ZFAND3: variants seen among roughly 807,000 people sequenced by gnomAD.
The protein encoded by ZFAND3 is AN1-type zinc finger protein 3.
Under a neutral mutation model 29.6 loss-of-function variants are expected in ZFAND3, and 10 were observed. The observed-to-expected ratio is 0.34, with a 90% CI of 0.21 to 0.57. The LOEUF is 0.57. Ranked by LOEUF, ZFAND3 falls within the 20% of genes least tolerant of loss-of-function variation. The pLI is 0.86. For synonymous variants in ZFAND3, 128 were observed against 112.6 expected (o/e 1.14, Z -0.87); for missense variants, 230 against 304.5 (o/e 0.76, Z 1.82).
chr6:37,844,826 A>G (rs1438081181), intron 1 of ZFAND3, among the ~76,000 whole-genome samples: 1 of 151,310 alleles, frequency 6.6e-6, no homozygotes, highest in African/African-American at 2.4e-5. Flanking sequence ...CAGCCTGGCT[A>G]ACACGGTGAA....
chr6:37,931,404 A>G (rs575048311), intron 2 of ZFAND3, among the ~76,000 whole-genome samples: 2 of 152,048 alleles, frequency 1.3e-5, no homozygotes, highest in South Asian at 4.2e-4. Context: ...AATTAGCTGG[A>G]TGTGGTGGTG....
At chr6:37,927,560 G>A (rs531109658) in intron 1 of ZFAND3, among the ~76,000 whole-genome samples, 2 of 152,334 alleles carry the variant, frequency 1.3e-5, no homozygotes, top group East Asian at 3.9e-4. Context: ...GGATGGAGAG[G>A]CGCCTCTAGT....
At chr6:37,930,041 C>CT (rs771195606) in intron 2 of ZFAND3, 42 bp downstream of exon 2, 14 of 1,471,146 alleles carry the variant, frequency 9.5e-6, no homozygotes, top group South Asian at 5.5e-5. Context: ...TTTCATTTTT[C>CT]TTTCTTTTTT....
chr6:37,960,471 T>G (rs1437120144), intron 2 of ZFAND3, among the ~76,000 whole-genome samples: 1 of 152,200 alleles, frequency 6.6e-6, no homozygotes, highest in Non-Finnish European at 1.5e-5. Flanking sequence ...ATCAGTGATG[T>G]TTGCCTGAGC....
intron 1 of ZFAND3, among the ~76,000 whole-genome samples, chr6:37,901,027 A>AT (rs34669696): frequency 4.0e-5 from 6 of 151,444 alleles, no homozygotes; most frequent in African/African-American, 9.7e-5. Context: ...TGCCTACTGA[A>AT]TTTTTTTTTA....
chr6:38,125,985 G>A (rs1335320647), intron 5 of ZFAND3, among the ~76,000 whole-genome samples: 2 of 152,112 alleles, frequency 1.3e-5, no homozygotes, highest in East Asian at 1.9e-4. Context: ...GAAGTTGAAT[G>A]AGTTTTAGTA....
chr6:37,965,105 TA>T (rs1323075688), intron 2 of ZFAND3, among the ~76,000 whole-genome samples: 6 of 152,198 alleles, frequency 3.9e-5, no homozygotes, highest in Non-Finnish European at 8.8e-5. Context: ...TAAAGTACAA[TA>T]AAAATAACTT....
intron 2 of ZFAND3, among the ~76,000 whole-genome samples, chr6:37,949,779 C>T (rs1761965015): frequency 1.3e-5 from 2 of 152,192 alleles, no homozygotes; most frequent in African/African-American, 4.8e-5. Flanking sequence ...GCTTCTGACC[C>T]TGTGGAGATG....
chr6:38,104,513 A>G (rs1026035720), intron 4 of ZFAND3, among the ~76,000 whole-genome samples: 6 of 152,334 alleles, frequency 3.9e-5, no homozygotes, highest in African/African-American at 1.4e-4. Context: ...TAAAAATAAC[A>G]TGCAAGTATC....
intron 4 of ZFAND3, among the ~76,000 whole-genome samples, chr6:38,114,151 T>C (rs957654066): frequency 2.0e-5 from 3 of 152,216 alleles, no homozygotes; most frequent in Admixed American, 1.3e-4. Context: ...TTTAGGACTT[T>C]GTCTCAGAAA....
chr6:37,826,268 C>T (rs1443910170), intron 1 of ZFAND3, among the ~76,000 whole-genome samples: 1 of 152,034 alleles, frequency 6.6e-6, no homozygotes, highest in East Asian at 1.9e-4. Flanking sequence ...GAGTGGTTTT[C>T]AAAAGAGGGC....
intron 1 of ZFAND3, among the ~76,000 whole-genome samples, chr6:37,916,658 C>G (rs999550519): frequency 6.6e-6 from 1 of 151,794 alleles, no homozygotes; most frequent in Non-Finnish European, 1.5e-5. Flanking sequence ...GACTCTGTCT[C>G]GAAAAAAGAA....
At chr6:38,076,539 A>G (rs984175376) in intron 3 of ZFAND3, among the ~76,000 whole-genome samples, 1 of 152,218 alleles carries the variant, frequency 6.6e-6, no homozygotes, top group African/African-American at 2.4e-5. Context: ...CCCTTCTCGT[A>G]AATTACTAAT....
chr6:37,974,883 A>T (rs1762453953), intron 2 of ZFAND3, among the ~76,000 whole-genome samples: 1 of 152,190 alleles, frequency 6.6e-6, no homozygotes, highest in African/African-American at 2.4e-5. Context: ...TCCTGAACTC[A>T]TGTAGTCCTC....
intron 2 of ZFAND3, among the ~76,000 whole-genome samples, chr6:38,038,791 T>G (rs554638406): frequency 6.6e-6 from 1 of 152,268 alleles, no homozygotes; most frequent in African/African-American, 2.4e-5. Context: ...TCATTTTAGA[T>G]GCAAAGATCT....
At chr6:37,988,032 T>A (rs1027223756) in intron 2 of ZFAND3, among the ~76,000 whole-genome samples, 13 of 152,240 alleles carry the variant, frequency 8.5e-5, no homozygotes, top group African/African-American at 3.1e-4. Context: ...TAAAAACTGC[T>A]GGTTAAAGTT....
At chr6:37,820,150 T>TG (rs1326943287) in intron 1 of ZFAND3, 134 bp downstream of exon 1, 1 of 30,050 alleles carries the variant, frequency 3.3e-5, no homozygotes, top group East Asian at 1.2e-3. Context: ...GGGGAGGGGG[T>TG]GGGGGTCGCG....
At chr6:37,866,287 T>C (rs1472594569) in intron 1 of ZFAND3, among the ~76,000 whole-genome samples, 2 of 152,174 alleles carry the variant, frequency 1.3e-5, no homozygotes, top group African/African-American at 2.4e-5. Context: ...TTTCCAGTCT[T>C]TTTTGTTTCT....
At chr6:38,001,854 A>G (rs1271823281) in intron 2 of ZFAND3, among the ~76,000 whole-genome samples, 1 of 152,214 alleles carries the variant, frequency 6.6e-6, no homozygotes, top group African/African-American at 2.4e-5. Context: ...AAGTAGTTGC[A>G]CACAAGAGAA....
Sources: gnomAD v4.1 joint callset for allele counts (sites outside exome capture counted in the v4.1 genomes callset) on GRCh38, gnomAD v4.1.1 for gene constraint, MANE v1.5 for transcripts, NCBI Gene and HGNC (gene_info 2026-07-23, HGNC 2026-07-21) for gene names.